ZBTB8OS: variants seen among roughly 807,000 people sequenced by gnomAD.
ZBTB8OS encodes tRNA splicing ligase complex subunit 1.
Under a neutral mutation model 29.3 loss-of-function variants are expected in ZBTB8OS, and 16 were observed. That is an observed-to-expected ratio of 0.55 (90% confidence interval 0.37 to 0.83). The LOEUF is 0.83. Ranked by LOEUF, ZBTB8OS falls within the 40% of genes least tolerant of loss-of-function variation. The pLI is 0.00. For missense variants in ZBTB8OS, 160 were observed against 196.9 expected (o/e 0.81, Z 1.12); for synonymous variants, 70 against 64.6 (o/e 1.08, Z -0.40).
intron 1 of ZBTB8OS, among the ~76,000 whole-genome samples, chr1:32,646,741 TA>T (rs958829930): frequency 2.0e-5 from 3 of 150,134 alleles, no homozygotes; most frequent in African/African-American, 7.4e-5. Flanking sequence ...TTAGAAGCCA[TA>T]AAAAAAAGGG....
At chr1:32,635,968 A>G (rs1004984788) in intron 1 of ZBTB8OS, among the ~76,000 whole-genome samples, 7 of 152,172 alleles carry the variant, frequency 4.6e-5, no homozygotes, top group African/African-American at 1.7e-4. Context: ...TAGCTCTAAC[A>G]GTCTGAACCT....
At chr1:32,640,788 C>T (rs1430520369) in intron 1 of ZBTB8OS, among the ~76,000 whole-genome samples, 1 of 152,078 alleles carries the variant, frequency 6.6e-6, no homozygotes, top group Admixed American at 6.6e-5. Flanking sequence ...AGATTAAGCT[C>T]ATCAGGCCTG....
At chr1:32,626,546 TTTAC>T (rs1176678476) in intron 6 of ZBTB8OS, among the ~76,000 whole-genome samples, 7 of 152,170 alleles carry the variant, frequency 4.6e-5, no homozygotes, top group Admixed American at 1.3e-4. Flanking sequence ...TCTTTATTTA[TTTAC>T]TTTTATTTTA....
At chr1:32,622,832 C>A (rs1441351777) in intron 6 of ZBTB8OS, among the ~76,000 whole-genome samples, 2 of 151,910 alleles carry the variant, frequency 1.3e-5, no homozygotes, top group Admixed American at 6.6e-5. Context: ...AGGGCTCTTT[C>A]TGAAATCAAA....
At chr1:32,622,400 G>C (rs1280102234) in intron 6 of ZBTB8OS, among the ~76,000 whole-genome samples, 2 of 152,174 alleles carry the variant, frequency 1.3e-5, no homozygotes, top group African/African-American at 4.8e-5. Flanking sequence ...CCATAAAAAA[G>C]AATGAGATCA....
intron 3 of ZBTB8OS, 50 bp downstream of exon 3, chr1:32,633,901 T>C: frequency 6.5e-7 from 1 of 1,530,452 alleles, no homozygotes; most frequent in Non-Finnish European, 8.7e-7. Flanking sequence ...TACTGCACAA[T>C]TCTATACAGT....
rs1420686894 is a variant in ZBTB8OS at position 32,627,626 on chromosome 1, A to G, written c.381-82T>C. On this transcript the variant is annotated intron_variant, in intron 5 of 6. Coordinates refer to ENST00000468695, the MANE Select transcript of ZBTB8OS (RefSeq NM_178547.5). Reference sequence around the variant, plus strand: ...AATAAGCCTTGTAAATGTGGTTAACATGCTAGAAAGCCAAAAGAGACAGGA... The same window carrying G: ...AATAAGCCTTGTAAATGTGGTTAACGTGCTAGAAAGCCAAAAGAGACAGGA... The G allele has an allele frequency of 5.7e-6, 8 of 1,404,122 alleles. No individual in the cohort carries two copies. The East Asian group carries it at 1.4e-4, about 24-fold the overall frequency. The allele number at this position is 1,404,122 out of a possible 1,614,324, so 87.0% of individuals were successfully genotyped here.
At chr1:32,627,759 A>G in intron 5 of ZBTB8OS, 1 of 565,278 alleles carries the variant, frequency 1.8e-6, no homozygotes, top group Non-Finnish European at 3.1e-6. Flanking sequence ...AGTTAAGGCC[A>G]GGTGCGGTGG....
In ZBTB8OS at chr1:32,621,934, T is replaced by C. The variant is rs775314085; in HGVS notation, c.432A>G (p.Lys144=). ...CCTGCATTGCTGAATATGTTATTGCTTTGACTTCTGTTCCCTAAAGTTGGG... is the reference window on the plus strand; with the variant it reads ...CCTGCATTGCTGAATATGTTATTGCCTTGACTTCTGTTCCCTAAAGTTGGG... ...LSKHPQGTEV[K]AITYSAMQVY... is the part of the protein sequence containing the mutation. Residue 144 remains lysine, a synonymous_variant, in exon 7 of 7, where the codon AAA becomes AAG. Transcript: ENST00000468695. 4 of 1,581,830 alleles carry C rather than the reference T, an allele frequency of 2.5e-6. No homozygotes were observed. Among genetic ancestry groups the C allele is most frequent in the Non-Finnish European group, 3.4e-6 (4 of 1,173,026 alleles).
At chr1:32,638,301 T>C (rs535643265) in intron 1 of ZBTB8OS, among the ~76,000 whole-genome samples, 17 of 147,424 alleles carry the variant, frequency 1.2e-4, no homozygotes, top group Non-Finnish European at 1.5e-4. Context: ...CAAGTGATTC[T>C]CCTGCCTTAG....
In ZBTB8OS at chr1:32,621,646, T is replaced by C. The variant is rs1644763731; in HGVS notation, c.*216A>G. ...AGGACCATAACTGTCCCTTGGGGGG[T>C]TGAAGAATTCTTTAAAGTGTGAATA... On this transcript the variant is annotated 3_prime_UTR_variant, in exon 7 of 7. Coordinates refer to ENST00000468695, the MANE Select transcript of ZBTB8OS (RefSeq NM_178547.5). The C allele has an allele frequency of 2.0e-6, 1 of 509,622 alleles. No homozygotes were observed. The highest frequency in any genetic ancestry group is 3.4e-6 in the Non-Finnish European group (1 of 292,458). The allele number at this position is 509,622 out of a possible 1,614,324, so 31.6% of individuals were successfully genotyped here.
chr1:32,646,911 G>A (rs1343782648), intron 1 of ZBTB8OS, among the ~76,000 whole-genome samples: 1 of 149,796 alleles, frequency 6.7e-6, no homozygotes. Flanking sequence ...GTGTGGTGGT[G>A]GGCACCTGTA....
intron 6 of ZBTB8OS, among the ~76,000 whole-genome samples, chr1:32,626,550 CTTTTAT>C (rs1478038643): frequency 6.6e-6 from 1 of 151,762 alleles, no homozygotes; most frequent in African/African-American, 2.4e-5. Flanking sequence ...TATTTATTTA[CTTTTAT>C]TTTATTTTTT....
intron 1 of ZBTB8OS, among the ~76,000 whole-genome samples, chr1:32,648,172 T>C (rs1049339596): frequency 1.3e-5 from 2 of 152,212 alleles, no homozygotes; most frequent in Admixed American, 1.3e-4. Flanking sequence ...ACAGTAAGTA[T>C]ACTTTACAAA....
rs1483079002 is a variant in ZBTB8OS at position 32,631,822 on chromosome 1, C to G, written c.380+5G>C. Reference sequence around the variant, plus strand: ...CTCGGTACTTAAAAGACTTTCAAAACTTACCCAATTGATCGTAATTTGAAA... The same window carrying G: ...CTCGGTACTTAAAAGACTTTCAAAAGTTACCCAATTGATCGTAATTTGAAA... On this transcript the variant is annotated splice_donor_5th_base_variant and intron_variant, in intron 5 of 6. Coordinates refer to ENST00000468695, the MANE Select transcript of ZBTB8OS (RefSeq NM_178547.5). 6.3e-7 allele frequency: 1 copy of G among 1,591,188 alleles called. No individual in the cohort carries two copies.
intron 1 of ZBTB8OS, among the ~76,000 whole-genome samples, chr1:32,641,908 G>A (rs1023241135): frequency 6.6e-6 from 1 of 152,018 alleles, no homozygotes; most frequent in African/African-American, 2.4e-5. Context: ...CAGCCTGGGT[G>A]ACAGAGCGAG....
chr1:32,637,741 G>A (rs991550779), intron 1 of ZBTB8OS, among the ~76,000 whole-genome samples: 1 of 152,156 alleles, frequency 6.6e-6, no homozygotes, highest in Non-Finnish European at 1.5e-5. Context: ...TCTATAGATT[G>A]GATGGAGTGT....
At chr1:32,624,273 T>C (rs1408533339) in intron 6 of ZBTB8OS, among the ~76,000 whole-genome samples, 1 of 152,242 alleles carries the variant, frequency 6.6e-6, no homozygotes, top group Non-Finnish European at 1.5e-5. Context: ...CTTATCCTGA[T>C]GGCACTGTTC....
rs753069905 is a variant in ZBTB8OS at position 32,621,841 on chromosome 1, AG to A, written c.*20del. On this transcript the variant is annotated 3_prime_UTR_variant, in exon 7 of 7. Coordinates refer to ENST00000468695, the MANE Select transcript of ZBTB8OS (RefSeq NM_178547.5). ...GAAAACAAAAACAGTTCTTCGTAGG[AG>A]TCTTTTATTTTTTGGTGTCTTAAAT... The A allele has an allele frequency of 6.6e-6, 10 of 1,510,130 alleles. No homozygotes were observed. The African/African-American group carries it at 1.4e-4, about 21-fold the overall frequency. 93.5% of individuals were successfully genotyped at this position (1,510,130 alleles called of 1,614,324 possible).
Sources: allele counts gnomAD v4.1 joint callset (sites outside exome capture counted in the v4.1 genomes callset), GRCh38; gene constraint gnomAD v4.1.1; transcripts MANE v1.5; gene names NCBI Gene and HGNC (gene_info 2026-07-23, HGNC 2026-07-21).